DPYD: variants seen among roughly 807,000 people sequenced by gnomAD.
DPYD encodes dihydropyrimidine dehydrogenase [NADP(+)].
In DPYD, 109 loss-of-function variants were observed where a neutral mutation model predicts 116.2. That is an observed-to-expected ratio of 0.94 (90% CI 0.80 to 1.10). The LOEUF (loss-of-function observed/expected upper bound fraction) is 1.10, where lower values mean the gene tolerates loss of function less well. Ranked by LOEUF, DPYD falls within the 50% of genes least tolerant of loss-of-function variation. The pLI is 0.00. For missense variants in DPYD, 1,302 were observed against 1,254.5 expected, an observed-to-expected ratio of 1.04 and a Z score of -0.57; for synonymous variants, 440 against 432.0, an observed-to-expected ratio of 1.02 and a Z score of -0.23.
At chr1:97,134,017 ATATAT>A (rs1557883346) in intron 20 of DPYD, among the ~76,000 whole-genome samples, 473 of 16,064 alleles carry the variant, frequency 0.029, 54 homozygotes, top group Non-Finnish European at 0.046. Flanking sequence ...AAAAAAAAAT[ATATAT>A]ATATATATAT....
intron 1 of DPYD, among the ~76,000 whole-genome samples, chr1:97,894,478 T>C (rs1466877186): frequency 1.3e-5 from 2 of 151,904 alleles, no homozygotes; most frequent in East Asian, 3.9e-4. Context: ...ACCTTTAGCC[T>C]AAGAGTTCAA....
chr1:97,642,954 G>A lies in DPYD; in HGVS notation c.850+36141C>T, dbSNP rs534250137. On this transcript the variant is annotated intron_variant, in intron 8 of 22. Coordinates refer to ENST00000370192, the MANE Select transcript of DPYD (RefSeq NM_000110.4). Reference sequence around the variant, plus strand: ...AAATTTAAAAGATGGATTAAAGACCGAAATATAAAATCTAAAACCATAAAA... The same window carrying A: ...AAATTTAAAAGATGGATTAAAGACCAAAATATAAAATCTAAAACCATAAAA... Among the ~76,000 whole-genome samples, 17 of 151,506 alleles carry A rather than the reference G, an allele frequency of 1.1e-4. 1 individual carries two copies. Among genetic ancestry groups the A allele is most frequent in the African/African-American group, 2.7e-4 (11 of 41,394 alleles).
chr1:97,394,259 G>A (rs959746678), intron 14 of DPYD: 2 of 151,994 alleles, frequency 1.3e-5, no homozygotes, highest in East Asian at 3.9e-4. Flanking sequence ...TCACTCTGAC[G>A]GTAGTTTCTT....
At chr1:97,918,848 TA>T (rs1409104504) in intron 1 of DPYD, among the ~76,000 whole-genome samples, 1 of 152,186 alleles carries the variant, frequency 6.6e-6, no homozygotes, top group Non-Finnish European at 1.5e-5. Context: ...CCAATATTTT[TA>T]AAATATTACT....
At position 97,128,944 on chromosome 1, in the gene DPYD, C is replaced by T. The variant is rs200226004; in HGVS notation, c.2623-30312G>A. Among the ~76,000 whole-genome samples the T allele has an allele frequency of 1.9e-4, 29 of 152,068 alleles. No individual in the cohort carries two copies. In the East Asian group the frequency reaches 5.6e-3, roughly 29 times the overall value. ...TGACAAAAAATACCATTTTTCTGTCCTCTCCCACTGAAGCCCACCCAAACT... is the reference window on the plus strand; with the variant it reads ...TGACAAAAAATACCATTTTTCTGTCTTCTCCCACTGAAGCCCACCCAAACT... On this transcript the variant is annotated intron_variant, in intron 20 of 22. Coordinates refer to ENST00000370192, the MANE Select transcript of DPYD (RefSeq NM_000110.4).
chr1:97,176,634 T>C lies in DPYD; in HGVS notation c.2622+16435A>G, dbSNP rs1179088483. 5.9e-5 allele frequency among the ~76,000 whole-genome samples: 9 copies of C among 152,196 alleles called. No homozygotes were observed. In the East Asian group the frequency reaches 1.3e-3, roughly 23 times the overall value. On this transcript the variant is annotated intron_variant, in intron 20 of 22. Transcript: ENST00000370192. ...TAATTGTCAGGGATAATCACTACTG[T>C]TGTTTTATTCTGAGGTTGCAGAAAA...
In DPYD at chr1:97,193,241, C is replaced by G; in HGVS notation, c.2450G>C (p.Ser817Thr). 1.2e-6 allele frequency: 2 copies of G among 1,613,424 alleles called. No individual in the cohort carries two copies. Among genetic ancestry groups the G allele is most frequent in the Non-Finnish European group, 1.7e-6 (2 of 1,179,718 alleles). Residue 817 changes from serine to threonine, a missense_variant, in exon 20 of 23, where the codon AGT becomes ACT. Ser to Thr is a moderately conservative substitution (Grantham distance 58, BLOSUM62 1). Coordinates refer to ENST00000370192, the MANE Select transcript of DPYD (RefSeq NM_000110.4). Reference sequence around the variant, plus strand: ...AGTGAAATCCTGATTCTGAATGGCACTGCATACCTAGAAAAGACAGAGCAG... The same window carrying G: ...AGTGAAATCCTGATTCTGAATGGCAGTGCATACCTAGAAAAGACAGAGCAG... ...HSGASVLQVC[S>T]AIQNQDFTVI...
chr1:97,333,428 G>A (rs1489451115), intron 16 of DPYD, among the ~76,000 whole-genome samples: 1 of 151,276 alleles, frequency 6.6e-6, no homozygotes, highest in Non-Finnish European at 1.5e-5. Context: ...TTGATCTCCT[G>A]ACCTTGTGAT....
intron 19 of DPYD, among the ~76,000 whole-genome samples, chr1:97,233,140 G>T (rs1661686938): frequency 6.6e-6 from 1 of 152,104 alleles, no homozygotes; most frequent in Admixed American, 6.5e-5. Context: ...ACACCCGAGG[G>T]GCATGGCTCC....
intron 3 of DPYD, among the ~76,000 whole-genome samples, chr1:97,826,848 A>G (rs1025301806): frequency 6.6e-6 from 1 of 151,996 alleles, no homozygotes; most frequent in Non-Finnish European, 1.5e-5. Context: ...TTTTATTAGT[A>G]AAGACATTAA....
intron 16 of DPYD, among the ~76,000 whole-genome samples, chr1:97,345,089 C>T (rs550876248): frequency 3.9e-5 from 6 of 151,940 alleles, no homozygotes; most frequent in African/African-American, 9.6e-5. Flanking sequence ...TATCTTTTCA[C>T]GTTTACCGGC....
Position 97,525,789 on chromosome 1 carries a change from A to T in DPYD, c.1525-9848T>A, listed in dbSNP as rs563702466. Among the ~76,000 whole-genome samples, 125 of 142,698 alleles carry T rather than the reference A, an allele frequency of 8.8e-4. 1 individual carries two copies. Among genetic ancestry groups the T allele is most frequent in the African/African-American group, 2.6e-3 (97 of 37,454 alleles). The allele number at this position is 142,698 out of a possible 152,430, so 93.6% of individuals were successfully genotyped here. A position where few individuals can be genotyped will look rare whatever the true frequency, so the allele number is the denominator to read the frequency against. On this transcript the variant is annotated intron_variant, in intron 12 of 22. Coordinates refer to ENST00000370192, the MANE Select transcript of DPYD (RefSeq NM_000110.4). The stretch of plus-strand genomic sequence containing the variant: ...GAGAGAGAGAGAGAGAGAGAGAGAG[A>T]GTGTGTGTGTGTTTTAGGCCAGTCT...
chr1:97,287,985 A>C (rs1363979740), intron 18 of DPYD, among the ~76,000 whole-genome samples: 1 of 151,258 alleles, frequency 6.6e-6, no homozygotes, highest in Admixed American at 6.6e-5. Flanking sequence ...AAAAGGATGG[A>C]GGAAGATCTA....
intron 3 of DPYD, among the ~76,000 whole-genome samples, chr1:97,791,796 GCACT>G (rs1357198201): frequency 6.6e-6 from 1 of 152,058 alleles, no homozygotes; most frequent in Non-Finnish European, 1.5e-5. Context: ...TAAAATTTGT[GCACT>G]CAAATATTTA....
In DPYD at chr1:97,100,320, C is replaced by T. The variant is rs562284541; in HGVS notation, c.2623-1688G>A. Among the ~76,000 whole-genome samples, 5 of 152,088 alleles carry T rather than the reference C, an allele frequency of 3.3e-5. No individual in the cohort carries two copies. In the South Asian group the frequency reaches 1.0e-3, roughly 32 times the overall value. ...GATTACACTTGGTGCCAAAAAAATGCCTTTGGGGTCAGATAACACCACATA... is the reference window on the plus strand; with the variant it reads ...GATTACACTTGGTGCCAAAAAAATGTCTTTGGGGTCAGATAACACCACATA... On this transcript the variant is annotated intron_variant, in intron 20 of 22. Coordinates refer to ENST00000370192, the MANE Select transcript of DPYD (RefSeq NM_000110.4).
chr1:97,158,069 T>C (rs906068673), intron 20 of DPYD, among the ~76,000 whole-genome samples: 1 of 152,120 alleles, frequency 6.6e-6, no homozygotes, highest in Non-Finnish European at 1.5e-5. Context: ...AAAATGACCC[T>C]GAAAAGTACA....
chr1:97,476,701 GA>G (rs2101868348), intron 13 of DPYD, among the ~76,000 whole-genome samples: 1 of 151,950 alleles, frequency 6.6e-6, no homozygotes, highest in Admixed American at 6.6e-5. Flanking sequence ...TGTGCACACA[GA>G]TACCATGTTT....
chr1:97,220,479 C>T (rs1174955339), intron 19 of DPYD, among the ~76,000 whole-genome samples: 2 of 152,140 alleles, frequency 1.3e-5, no homozygotes, highest in South Asian at 4.1e-4. Context: ...AGACATCACT[C>T]TTGTGAGGGA....
chr1:97,343,319 A>G (rs1330037865), intron 16 of DPYD, among the ~76,000 whole-genome samples: 7 of 152,124 alleles, frequency 4.6e-5, no homozygotes, highest in Admixed American at 4.6e-4. Flanking sequence ...GGAATCAAGT[A>G]AAGATTGCCA....
Sources: gnomAD v4.1 joint callset for allele counts (sites outside exome capture counted in the v4.1 genomes callset) on GRCh38, gnomAD v4.1.1 for gene constraint, MANE v1.5 for transcripts, NCBI Gene and HGNC (gene_info 2026-07-23, HGNC 2026-07-21) for gene names.